Variants in ANKRD26 observed in about 807,000 individuals in gnomAD.
ANKRD26 encodes the protein ankyrin repeat domain-containing protein 26.
A neutral mutation model predicts 208.7 loss-of-function variants in ANKRD26; 141 were observed. That is an observed-to-expected ratio of 0.68 (90% CI 0.59 to 0.78). ANKRD26 has a LOEUF of 0.78. Among genes scored for constraint, ANKRD26 ranks in the 30% least tolerant of loss-of-function variants. ANKRD26 has a pLI of 0.00. For synonymous variants in ANKRD26, 636 were observed against 660.4 expected (o/e 0.96, Z 0.57); for missense variants, 1,889 against 1,938.7 (o/e 0.97, Z 0.48).
the ANKRD26 span, among the ~76,000 whole-genome samples, chr10:26,967,644 T>C: frequency 6.6e-6 from 1 of 152,160 alleles, no homozygotes; most frequent in African/African-American, 2.4e-5. Flanking sequence ...CTTACCAAGG[T>C]TGATCCACAA....
intron 25 of ANKRD26, chr10:27,030,474 T>C (rs1050988437): frequency 2.0e-6 from 2 of 985,266 alleles, no homozygotes; most frequent in Non-Finnish European, 2.4e-6. Context: ...GCAACAACTG[T>C]CTATGCTGAG....
At chr10:27,081,307 C>T (rs1203699753) in intron 6 of ANKRD26, among the ~76,000 whole-genome samples, 2 of 152,120 alleles carry the variant, frequency 1.3e-5, no homozygotes, top group Admixed American at 6.5e-5. Context: ...TTTCCAAAAG[C>T]CCGGTTCCTA....
chr10:27,092,579 T>C, intron 3 of ANKRD26, 67 bp from the exon 4 acceptor site: 1 of 1,181,196 alleles, frequency 8.5e-7, no homozygotes, highest in East Asian at 2.4e-5. Flanking sequence ...CTGAAAACTC[T>C]ATGTCAGATC....
intron 15 of ANKRD26, among the ~76,000 whole-genome samples, chr10:27,054,847 G>A (rs2054788369): frequency 6.6e-6 from 1 of 152,158 alleles, no homozygotes; most frequent in African/African-American, 2.4e-5. Context: ...TGGAGAGTTA[G>A]GCAGAAGTCA....
chr10:27,019,206 G>C (rs1460928776), intron 29 of ANKRD26, among the ~76,000 whole-genome samples: 1 of 152,180 alleles, frequency 6.6e-6, no homozygotes, highest in African/African-American at 2.4e-5. Context: ...CATGAACCCA[G>C]GAGGCGGAGC....
intron 15 of ANKRD26, among the ~76,000 whole-genome samples, chr10:27,053,840 TAAAGTA>T (rs1695276700): frequency 6.6e-6 from 1 of 152,208 alleles, no homozygotes; most frequent in Admixed American, 6.5e-5. Flanking sequence ...TAGGAATATA[TAAAGTA>T]ACATTGTATA....
At chr10:27,091,236 T>A (rs1003145297) in intron 4 of ANKRD26, among the ~76,000 whole-genome samples, 1 of 152,114 alleles carries the variant, frequency 6.6e-6, no homozygotes, top group African/African-American at 2.4e-5. Flanking sequence ...ATATTTAGTA[T>A]CCCCCTTTTT....
At chr10:26,984,890 CT>C (rs1231055969) in intron 3 of ANKRD26, among the ~76,000 whole-genome samples, 1 of 152,068 alleles carries the variant, frequency 6.6e-6, no homozygotes, top group Non-Finnish European at 1.5e-5. Flanking sequence ...GCCCTGAAGA[CT>C]GAGGGTGGTA....
the ANKRD26 span, among the ~76,000 whole-genome samples, chr10:26,950,876 T>C: frequency 6.6e-6 from 1 of 152,162 alleles, no homozygotes. Context: ...GATTCAGAAT[T>C]GATTTATTTG....
At chr10:26,996,486 G>A (rs1329047525) in intron 4 of ANKRD26, among the ~76,000 whole-genome samples, 1 of 152,176 alleles carries the variant, frequency 6.6e-6, no homozygotes, top group Admixed American at 6.5e-5. Flanking sequence ...CTTGAACCAC[G>A]GAGTCAGAGG....
intron 16 of ANKRD26, among the ~76,000 whole-genome samples, chr10:27,050,219 C>CAAAAAAAAAAAAAAAAAAAAAAAAAA (rs67384671): frequency 3.0e-5 from 1 of 33,042 alleles, no homozygotes; most frequent in Non-Finnish European, 5.9e-5. Context: ...GAATCTGTCT[C>CAAAAAAAAAAAAAAAAAAAAAAAAAA]AAAAAAAAAA....
intron 1 of ANKRD26, among the ~76,000 whole-genome samples, chr10:27,099,575 C>T (rs2056580529): frequency 7.6e-6 from 1 of 132,326 alleles, no homozygotes; most frequent in African/African-American, 2.9e-5. Context: ...GGGGGGGGGT[C>T]TCGCTATAAT....
At chr10:26,979,729 CT>C (rs2134617655) in intron 5 of ANKRD26, among the ~76,000 whole-genome samples, 1 of 152,266 alleles carries the variant, frequency 6.6e-6, no homozygotes, top group East Asian at 1.9e-4. Context: ...CAGAGCACCC[CT>C]AGTCTTCCTG....
At chr10:27,031,670 C>T (rs1187390309) in intron 25 of ANKRD26, among the ~76,000 whole-genome samples, 2 of 152,146 alleles carry the variant, frequency 1.3e-5, no homozygotes, top group Non-Finnish European at 2.9e-5. Flanking sequence ...CTGAATTGTA[C>T]ACCTTAAATG....
chr10:26,981,370 T>C (rs572824075), intron 4 of ANKRD26, among the ~76,000 whole-genome samples: 1 of 152,360 alleles, frequency 6.6e-6, no homozygotes, highest in African/African-American at 2.4e-5. Context: ...TGAAGAGGGC[T>C]GTGTGCAATA....
At chr10:27,033,514 T>C (rs2053948450) in intron 24 of ANKRD26, 137 bp from the exon 25 acceptor site, 8 of 850,618 alleles carry the variant, frequency 9.4e-6, no homozygotes, top group African/African-American at 1.7e-5. Context: ...TTCACCTTCT[T>C]GTCCTCATAT....
Position 27,044,137 on chromosome 10 carries a change from T to A in ANKRD26, c.2019+20A>T. ...GTATTTTTTTAAACAATAATTTTGATAATTTATTTTTTACAGTACCTTGTT... is the reference window on the plus strand; with the variant it reads ...GTATTTTTTTAAACAATAATTTTGAAAATTTATTTTTTACAGTACCTTGTT... On this transcript the variant is annotated intron_variant, in intron 19 of 33. Coordinates refer to ENST00000376087, the MANE Select transcript of ANKRD26 (RefSeq NM_014915.3). The A allele has an allele frequency of 2.2e-6, 3 of 1,352,670 alleles. No homozygotes were observed. The highest frequency in any genetic ancestry group is 2.6e-4 in the Middle Eastern group (1 of 3,834). The allele number at this position is 1,352,670 out of a possible 1,614,324, so 83.8% of individuals were successfully genotyped here.
chr10:27,085,873 C>T (rs2056097907), intron 5 of ANKRD26, among the ~76,000 whole-genome samples: 1 of 152,148 alleles, frequency 6.6e-6, no homozygotes, highest in Non-Finnish European at 1.5e-5. Context: ...AATCAACTTC[C>T]ACTCAATGAG....
intron 11 of ANKRD26, among the ~76,000 whole-genome samples, chr10:27,065,958 C>T (rs543989227): frequency 7.1e-4 from 106 of 149,176 alleles, no homozygotes; most frequent in African/African-American, 2.4e-3. Context: ...CTCTGCCTCC[C>T]GGGTTCAAGC....
Sources: gnomAD v4.1 joint callset for allele counts (sites outside exome capture counted in the v4.1 genomes callset) on GRCh38, gnomAD v4.1.1 for gene constraint, MANE v1.5 for transcripts, NCBI Gene and HGNC (gene_info 2026-07-23, HGNC 2026-07-21) for gene names.